Variants in PTPRH observed in about 807,000 individuals in gnomAD.
PTPRH encodes protein tyrosine phosphatase receptor type H, also known as receptor-type tyrosine-protein phosphatase H.
In PTPRH, 113 loss-of-function variants were observed where a neutral mutation model predicts 130.2. That is an observed-to-expected ratio of 0.87 (90% CI 0.75 to 1.01). The LOEUF (loss-of-function observed/expected upper bound fraction) is 1.01. PTPRH is among the 50% of genes least tolerant of loss of function. The pLI is 0.00. For synonymous variants in PTPRH, 556 were observed against 577.9 expected (o/e 0.96, Z 0.54); for missense variants, 1,430 against 1,425.0 (o/e 1.00, Z -0.06).
intron 6 of PTPRH, among the ~76,000 whole-genome samples, chr19:55,200,891 C>A (rs1270497268): frequency 6.6e-6 from 1 of 151,316 alleles, no homozygotes; most frequent in African/African-American, 2.4e-5. Flanking sequence ...TGCAGTGAGC[C>A]GAGATCGCGC....
At chr19:55,182,285 G>C in intron 18 of PTPRH, 134 bp from the exon 19 acceptor site, 1 of 1,104,192 alleles carries the variant, frequency 9.1e-7, no homozygotes, top group Non-Finnish European at 1.3e-6. Flanking sequence ...CAGCACTTTG[G>C]GAGGCTGAGG....
In PTPRH at chr19:55,203,811, C is replaced by A; in HGVS notation, c.857G>T (p.Ser286Ile). Residue 286 changes from serine (S) to isoleucine (I), a missense_variant, in exon 5 of 20, where the codon AGC becomes ATC. Ser to Ile is a moderately radical substitution (Grantham distance 142). Coordinates refer to ENST00000376350, the MANE Select transcript of PTPRH (RefSeq NM_002842.5). ...SVWVEKDGVNSSVEIVTSATA... is the reference protein window; with the variant it reads ...SVWVEKDGVNISVEIVTSATA... ...GGCACTAGTGACAATCTCCACAGAG[C>A]TATTTACTCCGTCTTTCTCCACCCA... 6.2e-7 allele frequency: 1 copy of A among 1,612,884 alleles called. No homozygotes were observed. Among genetic ancestry groups the A allele is most frequent in the Non-Finnish European group, 8.5e-7 (1 of 1,178,970 alleles).
intron 10 of PTPRH, 24 bp from the exon 11 acceptor site, chr19:55,191,765 C>A: frequency 6.3e-7 from 1 of 1,595,062 alleles, no homozygotes; most frequent in Middle Eastern, 1.7e-4. Context: ...GCATCGGGAA[C>A]CCTCAGAGCG....
chr19:55,199,006 A>C, intron 7 of PTPRH, 94 bp from the exon 8 acceptor site: 391 of 1,213,468 alleles, frequency 3.2e-4, no homozygotes, highest in Non-Finnish European at 3.8e-4. Context: ...AGCCCAGCTC[A>C]TCCAGAAACA....
At chr19:55,201,173 G>A (rs11670879) in intron 6 of PTPRH, among the ~76,000 whole-genome samples, 1 of 151,864 alleles carries the variant, frequency 6.6e-6, no homozygotes, top group African/African-American at 2.4e-5. Flanking sequence ...TTGAGGCCAG[G>A]AGTTAGAGAC....
chr19:55,205,373 C>T lies in PTPRH; in HGVS notation c.572G>A (p.Gly191Glu). ...CCGGGAGCTGTTGATTCCATTCTTT[C>T]CCACCCACATGGAAAACGCATACAA... ...GCLYAFSMWV[G>E]KNGINSSRET... is the part of the protein sequence containing the mutation. The change falls in exon 4 of 20, where the codon GGA becomes GAA. Residue 191 changes from glycine to glutamate, a missense_variant. Gly to Glu is a moderately conservative substitution (Grantham distance 98). Coordinates refer to ENST00000376350, the MANE Select transcript of PTPRH (RefSeq NM_002842.5). The T allele has an allele frequency of 6.2e-7, 1 of 1,614,204 alleles. No individual in the cohort carries two copies. Among genetic ancestry groups the T allele is most frequent in the Non-Finnish European group, 8.5e-7 (1 of 1,180,032 alleles).
intron 4 of PTPRH, 81 bp from the exon 5 acceptor site, chr19:55,204,129 T>G: frequency 7.0e-7 from 1 of 1,427,176 alleles, no homozygotes; most frequent in Non-Finnish European, 9.5e-7. Context: ...TTTGTTTGTT[T>G]GTTTTTTCGA....
intron 3 of PTPRH, 72 bp from the exon 4 acceptor site, chr19:55,205,664 G>T (rs368985667): frequency 1.4e-5 from 22 of 1,582,682 alleles, no homozygotes; most frequent in Non-Finnish European, 1.8e-5. Flanking sequence ...TTCCTTAACC[G>T]TTGCATCCAG....
intron 8 of PTPRH, 140 bp from the exon 9 acceptor site, chr19:55,197,556 A>G (rs2086727101): frequency 3.8e-6 from 3 of 782,520 alleles, no homozygotes; most frequent in Non-Finnish European, 6.0e-6. Context: ...CACAGGAAAG[A>G]GTCTAGATAC....
chr19:55,203,051 G>A (rs1299341250), intron 5 of PTPRH, among the ~76,000 whole-genome samples: 1 of 149,702 alleles, frequency 6.7e-6, no homozygotes, highest in Non-Finnish European at 1.5e-5. Context: ...AAAAAGGGCT[G>A]GGCACGGTGG....
At chr19:55,206,212 G>T (rs1250625076) in intron 3 of PTPRH, among the ~76,000 whole-genome samples, 2 of 149,836 alleles carry the variant, frequency 1.3e-5, no homozygotes, top group Non-Finnish European at 3.0e-5. Flanking sequence ...CAACCTGGGC[G>T]ACAGAGCAAG....
rs1353598720 is a variant in PTPRH, at chr19:55,197,252, C to A, written c.1855G>T (p.Val619Phe). 1 of 1,614,278 alleles carries A rather than the reference C, an allele frequency of 6.2e-7. No individual in the cohort carries two copies. ...TCATTGGTCCTGCTGGTCTGGTTGA[C>A]CCAATTCGCTTGGGGATCTTGCCCC... ...RRGQDPQANW[V>F]NQTSRTNETW... Residue 619 changes from valine to phenylalanine, a missense_variant, in exon 9 of 20, where the codon GTC becomes TTC. Transcript: ENST00000376350.
At chr19:55,189,601 C>G (rs895630120) in intron 12 of PTPRH, 2 of 439,352 alleles carry the variant, frequency 4.6e-6, no homozygotes, top group African/African-American at 4.0e-5. Context: ...GATGCATGCT[C>G]GGCTCCTCTC....
chr19:55,199,817 GAGAA>G (rs2086802173), intron 7 of PTPRH, among the ~76,000 whole-genome samples: 1 of 145,662 alleles, frequency 6.9e-6, no homozygotes, highest in Admixed American at 7.0e-5. Context: ...AGGAAAGAAA[GAGAA>G]AGAGAGAAAG....
intron 3 of PTPRH, among the ~76,000 whole-genome samples, chr19:55,206,149 C>G (rs1453698340): frequency 2.6e-5 from 4 of 151,766 alleles, no homozygotes; most frequent in African/African-American, 4.8e-5. Context: ...AGGAGAATCA[C>G]TTGAACCCAG....
At chr19:55,202,660 C>CAT (rs150271594) in intron 5 of PTPRH, among the ~76,000 whole-genome samples, 11,501 of 151,040 alleles carry the variant, frequency 0.076, 440 homozygotes, top group African/African-American at 0.086. Flanking sequence ...TATACATACA[C>CAT]ATATATATAT....
intron 6 of PTPRH, 129 bp downstream of exon 6, chr19:55,201,927 C>T: frequency 7.1e-7 from 1 of 1,416,642 alleles, no homozygotes; most frequent in Non-Finnish European, 9.6e-7. Flanking sequence ...GAGACTGCCC[C>T]AGGATGTGGA....
chr19:55,182,227 C>T (rs2086198561), intron 18 of PTPRH, 76 bp from the exon 19 acceptor site: 2 of 1,504,940 alleles, frequency 1.3e-6, no homozygotes, highest in African/African-American at 2.7e-5. Context: ...TTGGAGGGAT[C>T]TGTGTTTGAA....
At chr19:55,198,538 G>A (rs143681305) in intron 8 of PTPRH, 105 bp downstream of exon 8, 1 of 1,241,284 alleles carries the variant, frequency 8.1e-7, no homozygotes, top group African/African-American at 1.5e-5. Context: ...TGAGGCTGGA[G>A]AGGCCCATGG....
Sources: allele counts gnomAD v4.1 joint callset (sites outside exome capture counted in the v4.1 genomes callset), GRCh38; gene constraint gnomAD v4.1.1; transcripts MANE v1.5; gene names NCBI Gene and HGNC (gene_info 2026-07-23, HGNC 2026-07-21).